SYNPR: variants seen among roughly 807,000 people sequenced by gnomAD.
The protein encoded by SYNPR is synaptoporin.
Under a neutral mutation model 32.9 loss-of-function variants are expected in SYNPR, and 23 were observed. That is an observed-to-expected ratio of 0.70 (90% CI 0.50 to 0.99). The LOEUF is 0.99. Among genes scored for constraint, SYNPR ranks in the 50% least tolerant of loss-of-function variants. The pLI, the probability that SYNPR is intolerant of heterozygous loss-of-function variation, is 0.00. For missense variants in SYNPR, 318 were observed against 349.3 expected (o/e 0.91, Z 0.71); for synonymous variants, 146 against 135.9 (o/e 1.07, Z -0.52).
chr3:63,518,643 T>G (rs1701844616), intron 3 of SYNPR, among the ~76,000 whole-genome samples: 1 of 152,194 alleles, frequency 6.6e-6, no homozygotes, highest in African/African-American at 2.4e-5. Context: ...TACCTAACAT[T>G]GCTGAACACT....
chr3:63,278,599 G>T (rs758080380), intron 1 of SYNPR, 48 bp downstream of exon 1: 55 of 1,550,554 alleles, frequency 3.5e-5, no homozygotes, highest in Admixed American at 1.4e-4. Flanking sequence ...GGGGGCGGGG[G>T]ATGCCGCGGC....
chr3:63,442,057 T>A (rs901834171), intron 2 of SYNPR, among the ~76,000 whole-genome samples: 16 of 152,050 alleles, frequency 1.1e-4, no homozygotes, highest in Non-Finnish European at 1.9e-4. Flanking sequence ...GGTTGGTTGG[T>A]TTGGTCCCCC....
At chr3:63,241,229 G>A (rs1159500522) in intron 1 of SYNPR, among the ~76,000 whole-genome samples, 1 of 152,126 alleles carries the variant, frequency 6.6e-6, no homozygotes, top group Non-Finnish European at 1.5e-5. Flanking sequence ...AAGGAGACCA[G>A]AGAATGGACC....
chr3:63,330,424 T>C (rs2087215637), intron 2 of SYNPR: 1 of 149,154 alleles, frequency 6.7e-6, no homozygotes, highest in African/African-American at 2.5e-5. Flanking sequence ...AATGATGTAA[T>C]TGGGGATCTA....
chr3:63,476,104 GA>G (rs1364693999), intron 2 of SYNPR, among the ~76,000 whole-genome samples: 2 of 116,472 alleles, frequency 1.7e-5, no homozygotes, highest in African/African-American at 3.5e-5. Context: ...GGGAGGAAGG[GA>G]GGGGGGAGGA....
chr3:63,485,247 C>G (rs764925), intron 3 of SYNPR, among the ~76,000 whole-genome samples: 65,661 of 151,786 alleles, frequency 0.43, 14,246 homozygotes, highest in East Asian at 0.5. Context: ...CACTGAAAGA[C>G]ACCAAAAGGA....
At chr3:63,275,302 A>G (rs1177080433), upstream of SYNPR, among the ~76,000 whole-genome samples, 1 of 152,220 alleles carries the variant, frequency 6.6e-6, no homozygotes, top group Non-Finnish European at 1.5e-5. Context: ...AAAGTCTACA[A>G]AATATTTAAC....
intron 4 of SYNPR, among the ~76,000 whole-genome samples, chr3:63,557,061 G>C (rs944539053): frequency 4.6e-5 from 7 of 152,130 alleles, no homozygotes; most frequent in Admixed American, 1.3e-4. Context: ...TTATATTATA[G>C]GATGATCATA....
At chr3:63,449,650 TC>T (rs1700343365) in intron 2 of SYNPR, among the ~76,000 whole-genome samples, 1 of 152,212 alleles carries the variant, frequency 6.6e-6, no homozygotes, top group Admixed American at 6.6e-5. Context: ...TACTTTTCTT[TC>T]TTTCAGATAC....
At chr3:63,314,817 G>A (rs927855272) in intron 2 of SYNPR, among the ~76,000 whole-genome samples, 8 of 151,914 alleles carry the variant, frequency 5.3e-5, no homozygotes, top group Non-Finnish European at 1.0e-4. Context: ...TGTGTAGAAG[G>A]GTTTTTCCAA....
At chr3:63,508,734 C>A (rs1353127015) in intron 3 of SYNPR, among the ~76,000 whole-genome samples, 1 of 152,062 alleles carries the variant, frequency 6.6e-6, no homozygotes, top group Non-Finnish European at 1.5e-5. Context: ...ATTGGTCCAA[C>A]CTGAACCACT....
At chr3:63,258,707 G>A (rs542543729) in intron 2 of SYNPR, among the ~76,000 whole-genome samples, 1 of 152,040 alleles carries the variant, frequency 6.6e-6, no homozygotes, top group South Asian at 2.1e-4. Flanking sequence ...CAGAAGGCAA[G>A]AAATAACTAA....
At chr3:63,412,057 A>T (rs2088473649) in intron 2 of SYNPR, among the ~76,000 whole-genome samples, 1 of 152,074 alleles carries the variant, frequency 6.6e-6, no homozygotes, top group Admixed American at 6.6e-5. Context: ...GAAGAGGAGT[A>T]GAGTAGATTG....
chr3:63,557,904 C>T (rs1362108356), intron 4 of SYNPR, among the ~76,000 whole-genome samples: 3 of 152,064 alleles, frequency 2.0e-5, no homozygotes, highest in Admixed American at 1.3e-4. Flanking sequence ...ACAGTTTATC[C>T]CCCACCAAAA....
chr3:63,206,196 T>C, the SYNPR span, among the ~76,000 whole-genome samples: 2 of 152,166 alleles, frequency 1.3e-5, no homozygotes, highest in East Asian at 1.9e-4. Context: ...ATAAGATCTA[T>C]GGGGGATTCT....
At chr3:63,567,953 G>T (rs1261995104) in intron 4 of SYNPR, among the ~76,000 whole-genome samples, 2 of 152,194 alleles carry the variant, frequency 1.3e-5, no homozygotes, top group Non-Finnish European at 2.9e-5. Flanking sequence ...GAATTGCAAT[G>T]AGTTTCTTAT....
Position 63,524,828 on chromosome 3 carries a change from T to C in SYNPR, c.210-31715T>C, listed in dbSNP as rs929271027. On this transcript the variant is annotated intron_variant, in intron 3 of 5. Coordinates refer to ENST00000478300, the MANE Select transcript of SYNPR (RefSeq NM_001130003.2). ...TTCAAAATGCATCATAATAGAAGTG[T>C]GTGTGTGTGTGTGTGTGTGTGTGCA... is the stretch of plus-strand genomic sequence containing the variant. Among the ~76,000 whole-genome samples, 103 of 115,572 alleles carry C rather than the reference T, an allele frequency of 8.9e-4. 1 individual carries two copies. The highest frequency in any genetic ancestry group is 3.4e-3 in the African/African-American group (100 of 29,286). 75.8% of individuals were successfully genotyped at this position (115,572 alleles called of 152,430 possible).
intron 2 of SYNPR, among the ~76,000 whole-genome samples, chr3:63,320,626 T>C (rs563409969): frequency 6.6e-6 from 1 of 152,178 alleles, no homozygotes; most frequent in African/African-American, 2.4e-5. Context: ...TAGCAATAAG[T>C]TTGAAAATAT....
At chr3:63,292,008 T>C (rs1213595535) in intron 2 of SYNPR, among the ~76,000 whole-genome samples, 1 of 152,166 alleles carries the variant, frequency 6.6e-6, no homozygotes, top group African/African-American at 2.4e-5. Flanking sequence ...GTACAGCCTA[T>C]TGCTCCTAGG....
Sources: allele counts gnomAD v4.1 joint callset (sites outside exome capture counted in the v4.1 genomes callset), GRCh38; gene constraint gnomAD v4.1.1; transcripts MANE v1.5; gene names NCBI Gene and HGNC (gene_info 2026-07-23, HGNC 2026-07-21).